Variants in SOX5 observed in about 807,000 individuals in gnomAD.
SOX5 encodes SRY-box transcription factor 5, also known as transcription factor SOX-5.
Under a neutral mutation model 92.0 loss-of-function variants are expected in SOX5, and 9 were observed. That is an observed-to-expected ratio of 0.10 (90% CI 0.06 to 0.17). The LOEUF (loss-of-function observed/expected upper bound fraction) is 0.17, where lower values mean the gene tolerates loss of function less well. Ranked by LOEUF, SOX5 falls within the 10% of genes least tolerant of loss-of-function variation. The pLI is 1.00. For missense variants in SOX5, 642 were observed against 944.5 expected, an observed-to-expected ratio of 0.68 and a Z score of 4.20; for synonymous variants, 344 against 336.3, an observed-to-expected ratio of 1.02 and a Z score of -0.25.
chr12:24,366,041 A>G (rs971015188), intron 2 of SOX5, among the ~76,000 whole-genome samples: 1 of 152,116 alleles, frequency 6.6e-6, no homozygotes, highest in African/African-American at 2.4e-5. Context: ...CTGGATGGCT[A>G]TGGGTATCAA....
intron 4 of SOX5, among the ~76,000 whole-genome samples, chr12:23,751,965 G>T (rs184933135): frequency 2.3e-4 from 35 of 149,620 alleles, no homozygotes; most frequent in Admixed American, 1.6e-3. Context: ...GGCAGGTAGA[G>T]AAACTGGTCT....
At chr12:24,349,224 C>T (rs932535830) in intron 2 of SOX5, among the ~76,000 whole-genome samples, 1 of 152,178 alleles carries the variant, frequency 6.6e-6, no homozygotes, top group African/African-American at 2.4e-5. Flanking sequence ...TAACTCATCC[C>T]CTCTCCCCAG....
rs780799319 is a variant in SOX5, at chr12:23,838,843, TGGG to T, written c.481+7137_481+7139del. Among the ~76,000 whole-genome samples the T allele has an allele frequency of 1.3e-3, 51 of 38,164 alleles. 3 individuals are homozygous for T. In the East Asian group the frequency reaches 0.015, roughly 11 times the overall value. The allele number at this position is 38,164 out of a possible 152,430, so 25.0% of individuals were successfully genotyped here. ...CTAATTCCCAGTAGTTCTTTTTTTTTGGGGGGGGGGGGCGGGGATGGAGTCTCG... is the reference window on the plus strand; with the variant it reads ...CTAATTCCCAGTAGTTCTTTTTTTTTGGGGGGGGGCGGGGATGGAGTCTCG... On this transcript the variant is annotated intron_variant, in intron 3 of 14. Coordinates refer to ENST00000451604, the MANE Select transcript of SOX5 (RefSeq NM_006940.6).
At chr12:23,828,939 C>T (rs2096273308) in intron 3 of SOX5, among the ~76,000 whole-genome samples, 1 of 152,162 alleles carries the variant, frequency 6.6e-6, no homozygotes, top group African/African-American at 2.4e-5. Context: ...CTGCCCTAGC[C>T]TCACTGCTCC....
intron 1 of SOX5, among the ~76,000 whole-genome samples, chr12:24,465,762 C>A (rs1408177653): frequency 6.6e-6 from 1 of 152,152 alleles, no homozygotes; most frequent in Non-Finnish European, 1.5e-5. Flanking sequence ...TGGTAAATGG[C>A]ACTCAAACTT....
At position 23,965,369 on chromosome 12, in the gene SOX5, C is replaced by G. The variant is rs1591862127; in HGVS notation, c.-1-69345G>C. On this transcript the variant is annotated intron_variant, in intron 4 of 4. Transcript: ENST00000446891. Reference sequence around the variant, plus strand: ...GCTTGTCCTTTGGTTTTACTGACCACTTCAGGTTCAAAACTGTCTGATCCT... The same window carrying G: ...GCTTGTCCTTTGGTTTTACTGACCAGTTCAGGTTCAAAACTGTCTGATCCT... Among the ~76,000 whole-genome samples, 3 of 152,128 alleles carry G rather than the reference C, an allele frequency of 2.0e-5. No homozygotes were observed. In the South Asian group the frequency reaches 6.2e-4, roughly 31 times the overall value.
intron 4 of SOX5, among the ~76,000 whole-genome samples, chr12:24,069,601 C>T (rs1430162325): frequency 2.6e-5 from 4 of 152,132 alleles, no homozygotes; most frequent in Non-Finnish European, 5.9e-5. Context: ...GGAAAATCCC[C>T]TAGTTAGAGA....
chr12:24,470,727 T>C (rs938892024), intron 1 of SOX5, among the ~76,000 whole-genome samples: 3 of 152,204 alleles, frequency 2.0e-5, no homozygotes, highest in African/African-American at 4.8e-5. Context: ...ATATTCTGTG[T>C]TCAAATCTCA....
chr12:23,972,895 T>C lies in SOX5; in HGVS notation c.-1-76871A>G, dbSNP rs146170853. The stretch of plus-strand genomic sequence containing the variant: ...TTACTGTGACCACCATGCAGTGCAA[T>C]AGATCACTAAAACTATTCCTCTAGT... On this transcript the variant is annotated intron_variant, in intron 4 of 4. Coordinates refer to the SOX5 transcript ENST00000446891. Among the ~76,000 whole-genome samples the C allele has an allele frequency of 1.1e-3, 164 of 152,232 alleles. 1 individual carries two copies. Among genetic ancestry groups the C allele is most frequent in the African/African-American group, 3.7e-3 (152 of 41,560 alleles).
At chr12:23,929,755 A>G (rs1020414430) in intron 1 of SOX5, among the ~76,000 whole-genome samples, 1 of 151,904 alleles carries the variant, frequency 6.6e-6, no homozygotes, top group African/African-American at 2.4e-5. Flanking sequence ...TGTGAAAACA[A>G]TTTTTAGAAC....
chr12:23,978,067 G>A (rs1048766842), intron 4 of SOX5, among the ~76,000 whole-genome samples: 3 of 152,150 alleles, frequency 2.0e-5, no homozygotes, highest in Admixed American at 1.3e-4. Context: ...GGAGAAAAAC[G>A]TATCATGACA....
chr12:24,082,927 T>C (rs988872060), intron 4 of SOX5, among the ~76,000 whole-genome samples: 1 of 151,960 alleles, frequency 6.6e-6, no homozygotes, highest in African/African-American at 2.4e-5. Context: ...CACAAAGATA[T>C]AATGATAGAT....
At chr12:24,253,870 T>G (rs1322594959) in intron 3 of SOX5, among the ~76,000 whole-genome samples, 1 of 152,206 alleles carries the variant, frequency 6.6e-6, no homozygotes, top group Admixed American at 6.5e-5. Context: ...CAATATGTTC[T>G]TGTAATCCTT....
At chr12:24,261,443 T>C (rs978720827) in intron 3 of SOX5, among the ~76,000 whole-genome samples, 1 of 152,176 alleles carries the variant, frequency 6.6e-6, no homozygotes, top group African/African-American at 2.4e-5. Context: ...GGGGAACCTA[T>C]ATTACATTTT....
chr12:24,349,343 G>C lies in SOX5; in HGVS notation c.-174+19220C>G, dbSNP rs117376758. The stretch of plus-strand genomic sequence containing the variant: ...TAAGTGGACTGTTTAGTCACATTAA[G>C]TACATTCATATTGCTGTGCAACCAA... On this transcript the variant is annotated intron_variant, in intron 2 of 4. Coordinates refer to the SOX5 transcript ENST00000446891. 1.3e-4 allele frequency among the ~76,000 whole-genome samples: 20 copies of C among 152,264 alleles called. No homozygotes were observed. The East Asian group carries it at 3.9e-3, about 29-fold the overall frequency.
At chr12:24,001,551 C>A (rs1204290347) in intron 4 of SOX5, among the ~76,000 whole-genome samples, 3 of 152,048 alleles carry the variant, frequency 2.0e-5, no homozygotes, top group African/African-American at 7.2e-5. Context: ...GTGAGCTAGG[C>A]TGGGTGCAAT....
At position 23,879,575 on chromosome 12, in the gene SOX5, A is replaced by G. The variant is rs2096964746; in HGVS notation, c.270+16218T>C. On this transcript the variant is annotated intron_variant, in intron 2 of 14. Coordinates refer to ENST00000451604, the MANE Select transcript of SOX5 (RefSeq NM_006940.6). ...TTAAGCAGCATGGTACCAGGGCATC[A>G]TAGGACAGATGTAACTACTGAGGCC... Among the ~76,000 whole-genome samples, 6 of 152,172 alleles carry G rather than the reference A, an allele frequency of 3.9e-5. No individual in the cohort carries two copies. The South Asian group carries it at 1.2e-3, about 32-fold the overall frequency.
chr12:23,546,156 G>A (rs1943095631), intron 12 of SOX5, among the ~76,000 whole-genome samples, 160 bp downstream of exon 12: 1 of 152,142 alleles, frequency 6.6e-6, no homozygotes, highest in Non-Finnish European at 1.5e-5. Context: ...AAAGCACTCA[G>A]CAGAGTGCTT....
chr12:24,079,792 T>C (rs1228342770), intron 4 of SOX5, among the ~76,000 whole-genome samples: 1 of 151,954 alleles, frequency 6.6e-6, no homozygotes, highest in Admixed American at 6.6e-5. Context: ...GCTGGTCAAC[T>C]CTTCTTTTTG....
Sources: allele counts gnomAD v4.1 joint callset (sites outside exome capture counted in the v4.1 genomes callset), GRCh38; gene constraint gnomAD v4.1.1; transcripts MANE v1.5; gene names NCBI Gene and HGNC (gene_info 2026-07-23, HGNC 2026-07-21).